SOAT1: variants seen among roughly 807,000 people sequenced by gnomAD.
The protein encoded by SOAT1 is acyl-coenzyme A:cholesterol acyltransferase 1.
SOAT1 carries 55 observed loss-of-function variants against 69.5 expected under a neutral mutation model. That is an observed-to-expected ratio of 0.79 (90% CI 0.64 to 0.99). SOAT1 has a LOEUF of 0.99. Among genes scored for constraint, SOAT1 ranks in the 50% least tolerant of loss-of-function variants. SOAT1 has a pLI of 0.00. For synonymous variants in SOAT1, 231 were observed against 224.7 expected (o/e 1.03, Z -0.25); for missense variants, 580 against 669.3 (o/e 0.87, Z 1.47).
At chr1:179,299,779 A>G (rs1378007547) in intron 1 of SOAT1, among the ~76,000 whole-genome samples, 3 of 80,502 alleles carry the variant, frequency 3.7e-5, no homozygotes, top group African/African-American at 9.7e-5. Context: ...TTTGAGACGG[A>G]GTCTTGCTCT....
intron 2 of SOAT1, among the ~76,000 whole-genome samples, chr1:179,316,783 C>T (rs1352777362): frequency 6.6e-6 from 1 of 152,188 alleles, no homozygotes; most frequent in African/African-American, 2.4e-5. Flanking sequence ...CAGCTATAAT[C>T]ACCTCAAATA....
At chr1:179,305,341 C>G (rs77044014) in intron 2 of SOAT1, among the ~76,000 whole-genome samples, 2 of 152,046 alleles carry the variant, frequency 1.3e-5, no homozygotes, top group Non-Finnish European at 1.5e-5. Context: ...CATGCAGCCT[C>G]GATCTCCTGG....
chr1:179,305,210 T>C (rs1459217217), intron 2 of SOAT1, among the ~76,000 whole-genome samples: 2 of 152,178 alleles, frequency 1.3e-5, no homozygotes, highest in Non-Finnish European at 2.9e-5. Context: ...GGCCTTTGTG[T>C]GTGGCTGCTT....
intron 2 of SOAT1, among the ~76,000 whole-genome samples, chr1:179,322,096 G>A (rs1665625381): frequency 6.6e-6 from 1 of 151,914 alleles, no homozygotes; most frequent in East Asian, 1.9e-4. Flanking sequence ...TGTTGTCCAG[G>A]CTGGTCTTGA....
At chr1:179,345,637 C>T (rs1296694402) in intron 11 of SOAT1, among the ~76,000 whole-genome samples, 3 of 151,804 alleles carry the variant, frequency 2.0e-5, no homozygotes, top group African/African-American at 7.3e-5. Context: ...TCATGGCTTA[C>T]TAGCCTCGAC....
At chr1:179,302,367 A>G (rs1344498783) in intron 1 of SOAT1, among the ~76,000 whole-genome samples, 3 of 152,144 alleles carry the variant, frequency 2.0e-5, no homozygotes, top group African/African-American at 2.4e-5. Context: ...TAGGGAGGGA[A>G]CTGGTGGGAG....
At chr1:179,345,199 C>A in intron 11 of SOAT1, 123 bp downstream of exon 11, 1 of 881,874 alleles carries the variant, frequency 1.1e-6, no homozygotes, top group Non-Finnish European at 1.8e-6. Flanking sequence ...CTATGCCCAT[C>A]TTGACCTCTT....
chr1:179,308,800 C>T (rs190123134), intron 2 of SOAT1, among the ~76,000 whole-genome samples: 2,548 of 111,992 alleles, frequency 0.023, 72 homozygotes, highest in African/African-American at 0.068. Flanking sequence ...TTAAGTAATA[C>T]TTCCTCAAGT....
intron 3 of SOAT1, among the ~76,000 whole-genome samples, chr1:179,328,722 A>C (rs1193427760): frequency 1.3e-5 from 2 of 152,198 alleles, no homozygotes; most frequent in Non-Finnish European, 2.9e-5. Context: ...AGGATGAAAA[A>C]AATTACTTTC....
chr1:179,322,627 G>A (rs889086733), intron 2 of SOAT1, among the ~76,000 whole-genome samples: 9 of 152,160 alleles, frequency 5.9e-5, no homozygotes, highest in African/African-American at 2.2e-4. Context: ...CAGTAGCCTG[G>A]AGACCCGACT....
chr1:179,348,705 AT>A, intron 12 of SOAT1, 138 bp from the exon 13 acceptor site: 1 of 608,812 alleles, frequency 1.6e-6, no homozygotes, highest in Non-Finnish European at 2.9e-6. Context: ...GTATAATTTG[AT>A]TTTTCTGTTA....
intron 3 of SOAT1, 91 bp from the exon 4 acceptor site, chr1:179,335,415 C>T: frequency 4.5e-6 from 5 of 1,102,588 alleles, no homozygotes; most frequent in East Asian, 2.5e-5. Context: ...TCTTTTGATC[C>T]AGCTCTGTTT....
At chr1:179,336,525 T>A (rs1171042612) in intron 4 of SOAT1, among the ~76,000 whole-genome samples, 2 of 151,364 alleles carry the variant, frequency 1.3e-5, no homozygotes, top group Non-Finnish European at 2.9e-5. Flanking sequence ...TAGCCAACAC[T>A]TGCTGAGTGC....
At chr1:179,345,179 T>G in intron 11 of SOAT1, 103 bp downstream of exon 11, 2 of 1,132,518 alleles carry the variant, frequency 1.8e-6, no homozygotes, top group Admixed American at 4.0e-5. Context: ...TCATCTAAAC[T>G]TCTATACATC....
rs182227035 is a variant in SOAT1 at position 179,325,058 on chromosome 1, C to A, written c.177+1563C>A. ...CCTCGTGATCCTCCTGCCTTGGCCT[C>A]CCAAAGTGCTGGGATTACAGGCTGG... On this transcript the variant is annotated intron_variant, in intron 3 of 15. Transcript: ENST00000367619. Among the ~76,000 whole-genome samples the A allele has an allele frequency of 2.1e-3, 318 of 151,908 alleles. 2 individuals are homozygous for A. The highest frequency in any genetic ancestry group is 3.3e-3 in the South Asian group (16 of 4,816).
chr1:179,330,976 A>G (rs1045822048), intron 3 of SOAT1, among the ~76,000 whole-genome samples: 1 of 152,214 alleles, frequency 6.6e-6, no homozygotes, highest in Non-Finnish European at 1.5e-5. Context: ...CCAGATAGAA[A>G]TCAGGGATTC....
In SOAT1 at chr1:179,358,003, G is replaced by C. The variant is rs943837532; in HGVS notation, c.*4362G>C. 6 of 152,098 alleles carry C rather than the reference G, an allele frequency of 3.9e-5. No homozygotes were observed. The highest frequency in any genetic ancestry group is 7.3e-5 in the Non-Finnish European group (5 of 68,030). 9.4% of individuals were successfully genotyped at this position (152,098 alleles called of 1,614,324 possible). Reference sequence around the variant, plus strand: ...ATATGCAACCACCCTAGTTGAAACAGAGTGTATCACTTCTTTCTCACCCTA... The same window carrying C: ...ATATGCAACCACCCTAGTTGAAACACAGTGTATCACTTCTTTCTCACCCTA... On this transcript the variant is annotated 3_prime_UTR_variant, in exon 16 of 16. Transcript: ENST00000367619.
chr1:179,304,054 C>T (rs1004947882), intron 2 of SOAT1, among the ~76,000 whole-genome samples: 1 of 152,140 alleles, frequency 6.6e-6, no homozygotes, highest in East Asian at 1.9e-4. Flanking sequence ...TTTAGTCAGT[C>T]CAGGTTTTAG....
In SOAT1 at chr1:179,350,496, A is replaced by G. The variant is rs16853965; in HGVS notation, c.1450+65A>G. ...TAAAAAAGAAAACCAGATAGAAAGG[A>G]AACTATAAAATCAATGTAGGAGAAC... On this transcript the variant is annotated intron_variant, in intron 14 of 15. Transcript: ENST00000367619. The G allele has an allele frequency of 3.8e-3, 5,602 of 1,484,366 alleles. 182 individuals are homozygous for G. In the African/African-American group the frequency reaches 0.07, roughly 19 times the overall value. 91.9% of individuals were successfully genotyped at this position (1,484,366 alleles called of 1,614,324 possible). A position where few individuals can be genotyped will look rare whatever the true frequency, so the allele number is the denominator to read the frequency against.
Sources: allele counts gnomAD v4.1 joint callset (sites outside exome capture counted in the v4.1 genomes callset), GRCh38; gene constraint gnomAD v4.1.1; transcripts MANE v1.5; gene names NCBI Gene and HGNC (gene_info 2026-07-23, HGNC 2026-07-21).